The following SLC2A10 variants were observed in gnomAD, a reference collection of about 807,000 sequenced individuals.
The protein encoded by SLC2A10 is solute carrier family 2 member 10, also known as solute carrier family 2, facilitated glucose transporter member 10.
A neutral mutation model predicts 32.1 loss-of-function variants in SLC2A10; 25 were observed. The ratio of observed to expected loss-of-function variants is 0.78; its 90% CI spans 0.57 to 1.09. The LOEUF is 1.09. Ranked by LOEUF, SLC2A10 falls within the 50% of genes least tolerant of loss-of-function variation. The pLI, the probability that SLC2A10 is intolerant of heterozygous loss-of-function variation, is 0.00. For missense variants in SLC2A10, 673 were observed against 686.5 expected (o/e 0.98, Z 0.22); for synonymous variants, 332 against 309.6 (o/e 1.07, Z -0.76).
At position 46,726,973 on chromosome 20, in the gene SLC2A10, C is replaced by A; in HGVS notation, c.1398C>A (p.Phe466Leu). The change falls in exon 3 of 5, where the codon TTC becomes TTA. Residue 466 changes from phenylalanine (F) to leucine (L), a missense_variant. Transcript: ENST00000359271. ...CCAACCTCTTCATCAGCCTCTCCTT[C>A]CTCGATCTCATTGGTGAGTCCTTCC... ...WAANLFISLS[F>L]LDLIGTIGLS... 6.2e-7 allele frequency: 1 copy of A among 1,614,230 alleles called. No homozygotes were observed. Among genetic ancestry groups the A allele is most frequent in the Middle Eastern group, 1.6e-4 (1 of 6,062 alleles).
chr20:46,710,071 TG>T, intron 1 of SLC2A10: 3 of 472,756 alleles, frequency 6.3e-6, no homozygotes, highest in Non-Finnish European at 1.1e-5. Context: ...GATGAAGAAA[TG>T]GAGGCTCCGA....
At chr20:46,721,596 C>T (rs542617024) in intron 1 of SLC2A10, among the ~76,000 whole-genome samples, 3 of 152,266 alleles carry the variant, frequency 2.0e-5, no homozygotes, top group Non-Finnish European at 4.4e-5. Context: ...GCTCATGTAA[C>T]GAGAGCCCAG....
chr20:46,725,816 C>T lies in SLC2A10; in HGVS notation c.780C>T (p.Ser260=), dbSNP rs181500247. The change falls in exon 2 of 5, where the codon TCC becomes TCT. Residue 260 remains serine, a synonymous_variant. Coordinates refer to ENST00000359271, the MANE Select transcript of SLC2A10 (RefSeq NM_030777.4). ...GCTATGCCTCCACCATCTTCAGCTC[C>T]GTTGGTTTCCATGGGGGATCCTCAG... The part of the protein sequence containing the change: ...VLCYASTIFS[S]VGFHGGSSAV... The T allele has an allele frequency of 1.1e-4, 172 of 1,614,228 alleles. No homozygotes were observed. Among genetic ancestry groups the T allele is most frequent in the Admixed American group, 3.5e-4 (21 of 60,032 alleles).
intron 1 of SLC2A10, among the ~76,000 whole-genome samples, chr20:46,720,768 A>T (rs1600662614): frequency 6.6e-6 from 1 of 152,212 alleles, no homozygotes; most frequent in Non-Finnish European, 1.5e-5. Context: ...TAACACACAG[A>T]TGTTGTAACA....
chr20:46,730,421 A>G (rs1600672813), intron 4 of SLC2A10, among the ~76,000 whole-genome samples: 1 of 152,308 alleles, frequency 6.6e-6, no homozygotes, highest in African/African-American at 2.4e-5. Context: ...CAGGAGGAAC[A>G]AAGAAGAAAG....
At chr20:46,722,881 C>A (rs1229280038) in intron 1 of SLC2A10, among the ~76,000 whole-genome samples, 2 of 152,192 alleles carry the variant, frequency 1.3e-5, no homozygotes, top group Non-Finnish European at 2.9e-5. Flanking sequence ...AGCCCGTGTT[C>A]CTCATTGATC....
chr20:46,725,404 T>C lies in SLC2A10; in HGVS notation c.368T>C (p.Val123Ala), dbSNP rs1309491576. The change falls in exon 2 of 5, where the codon GTG becomes GCG. Residue 123 changes from valine to alanine, a missense_variant. Physicochemically the swap from Val to Ala is moderately conservative, Grantham distance 64 (BLOSUM62 0). Coordinates refer to ENST00000359271, the MANE Select transcript of SLC2A10 (RefSeq NM_030777.4). The part of the protein sequence containing the change: ...SLSSMACCIY[V>A]SELVGPRQRG... The stretch of plus-strand genomic sequence containing the variant: ...TCCTCCATGGCTTGCTGTATCTACG[T>C]GTCAGAGCTGGTGGGGCCACGGCAG... 4 of 1,614,150 alleles carry C rather than the reference T, an allele frequency of 2.5e-6. No individual in the cohort carries two copies. The highest frequency in any genetic ancestry group is 3.3e-5 in the Admixed American group (2 of 60,024).
intron 1 of SLC2A10, among the ~76,000 whole-genome samples, chr20:46,722,049 CAAA>C (rs143861811): frequency 6.6e-6 from 1 of 152,174 alleles, no homozygotes; most frequent in East Asian, 1.9e-4. Context: ...TTGTCTGACT[CAAA>C]GAATATTTTT....
At chr20:46,722,248 G>A (rs1979597948) in intron 1 of SLC2A10, among the ~76,000 whole-genome samples, 1 of 152,058 alleles carries the variant, frequency 6.6e-6, no homozygotes, top group South Asian at 2.1e-4. Context: ...TGGTGAGCAG[G>A]TCTATGCAAA....
chr20:46,709,689 G>C lies in SLC2A10; in HGVS notation c.-48G>C. The C allele has an allele frequency of 6.5e-7, 1 of 1,535,046 alleles. No individual in the cohort carries two copies. Among genetic ancestry groups the C allele is most frequent in the Non-Finnish European group, 8.8e-7 (1 of 1,141,510 alleles). On this transcript the variant is annotated 5_prime_UTR_variant, in exon 1 of 5. Coordinates refer to ENST00000359271, the MANE Select transcript of SLC2A10 (RefSeq NM_030777.4). Reference sequence around the variant, plus strand: ...CGTTGGGGACTCCGGCGGGGGATGCGCGCCCGGCCCCTCAGCGCCCCCAGC... The same window carrying C: ...CGTTGGGGACTCCGGCGGGGGATGCCCGCCCGGCCCCTCAGCGCCCCCAGC...
chr20:46,732,719 G>A (rs1016332155), intron 4 of SLC2A10, among the ~76,000 whole-genome samples: 2 of 150,342 alleles, frequency 1.3e-5, no homozygotes, highest in African/African-American at 2.5e-5. Context: ...CTAGAACAGT[G>A]CCTGGCACTG....
At chr20:46,711,444 A>G (rs1289833993) in intron 1 of SLC2A10, among the ~76,000 whole-genome samples, 2 of 152,130 alleles carry the variant, frequency 1.3e-5, no homozygotes, top group African/African-American at 4.8e-5. Context: ...CGGCTCTGAC[A>G]GGAGAGTCCA....
Position 46,725,423 on chromosome 20 carries a change from A to G in SLC2A10, c.387A>G (p.Pro129=). ...CCIYVSELVG[P]RQRGVLVSLY... ...TCTACGTGTCAGAGCTGGTGGGGCC[A>G]CGGCAGCGGGGAGTGCTGGTGTCCC... The change falls in exon 2 of 5, where the codon CCA becomes CCG. Residue 129 remains proline, a synonymous_variant. Transcript: ENST00000359271. 1 of 1,614,110 alleles carries G rather than the reference A, an allele frequency of 6.2e-7. No individual in the cohort carries two copies. The highest frequency in any genetic ancestry group is 8.5e-7 in the Non-Finnish European group (1 of 1,180,014).
Position 46,729,548 on chromosome 20 carries a change from T to A in SLC2A10, c.1547+60T>A, listed in dbSNP as rs1280853557. On this transcript the variant is annotated intron_variant, in intron 4 of 4. Coordinates refer to ENST00000359271, the MANE Select transcript of SLC2A10 (RefSeq NM_030777.4). ...CTGTAGCACACCCCAAGCACACAGC[T>A]TCAGGATTTTAGTCTTTGTGCTTTC... 9 of 1,601,028 alleles carry A rather than the reference T, an allele frequency of 5.6e-6. No individual in the cohort carries two copies. The East Asian group carries it at 2.0e-4, about 36-fold the overall frequency.
At chr20:46,730,522 A>T (rs1980241562) in intron 4 of SLC2A10, among the ~76,000 whole-genome samples, 1 of 152,158 alleles carries the variant, frequency 6.6e-6, no homozygotes, top group South Asian at 2.1e-4. Flanking sequence ...GCACCCACGT[A>T]ATGATGAGGG....
At chr20:46,728,406 A>G (rs1245693380) in intron 3 of SLC2A10, among the ~76,000 whole-genome samples, 1 of 152,094 alleles carries the variant, frequency 6.6e-6, no homozygotes, top group Non-Finnish European at 1.5e-5. Context: ...GGGATGAATG[A>G]CATCAAATGA....
chr20:46,714,802 G>A (rs754940070), intron 1 of SLC2A10, among the ~76,000 whole-genome samples: 12 of 152,114 alleles, frequency 7.9e-5, no homozygotes, highest in East Asian at 1.9e-4. Context: ...GTTCTTCCTC[G>A]TCTTCCTAAT....
Position 46,735,083 on chromosome 20 carries a change from G to A in SLC2A10, c.*1249G>A, listed in dbSNP as rs940735282. 1.3e-5 allele frequency: 2 copies of A among 152,632 alleles called. No individual in the cohort carries two copies. Among genetic ancestry groups the A allele is most frequent in the East Asian group, 3.9e-4 (2 of 5,192 alleles). 9.5% of individuals were successfully genotyped at this position (152,632 alleles called of 1,614,324 possible). On this transcript the variant is annotated 3_prime_UTR_variant, in exon 5 of 5. Transcript: ENST00000359271. ...AGGTCCCTCCTTTGGACCCTGTAAA[G>A]GGTCAGGGTGAATCAGATGGGGGAC...
At chr20:46,709,089 T>C (rs1978749947), upstream of SLC2A10, among the ~76,000 whole-genome samples, 1 of 152,164 alleles carries the variant, frequency 6.6e-6, no homozygotes, top group South Asian at 2.1e-4. Context: ...CTTCCCCTCC[T>C]AGAAGGTAAA....
Sources: allele counts gnomAD v4.1 joint callset (sites outside exome capture counted in the v4.1 genomes callset), GRCh38; gene constraint gnomAD v4.1.1; transcripts MANE v1.5; gene names NCBI Gene and HGNC (gene_info 2026-07-23, HGNC 2026-07-21).